C18orf54: variants seen among roughly 807,000 people sequenced by gnomAD.
C18orf54 encodes the protein lung adenoma susceptibility protein 2.
In C18orf54, 49 loss-of-function variants were observed where a neutral mutation model predicts 49.3. That is an observed-to-expected ratio of 0.99 (90% CI 0.79 to 1.26). The LOEUF is 1.26. C18orf54 is among the 50% of genes most tolerant of loss of function. The pLI is 0.00. For synonymous variants in C18orf54, 211 were observed against 216.6 expected, an observed-to-expected ratio of 0.97 and a Z score of 0.23; for missense variants, 687 against 620.6, an observed-to-expected ratio of 1.11 and a Z score of -1.14.
chr18:54,366,691 A>G (rs763036841), intron 6 of C18orf54, among the ~76,000 whole-genome samples: 1 of 151,892 alleles, frequency 6.6e-6, no homozygotes, highest in African/African-American at 2.4e-5. Flanking sequence ...TGGTAGTTCT[A>G]TTATATATTT....
intron 6 of C18orf54, among the ~76,000 whole-genome samples, chr18:54,367,284 A>G (rs1188037512): frequency 1.3e-5 from 2 of 151,452 alleles, no homozygotes; most frequent in Non-Finnish European, 2.9e-5. Flanking sequence ...TTCTGTAGTA[A>G]TGTTTTATTC....
Position 54,380,808 on chromosome 18 carries a change from C to T in C18orf54, c.*2562C>T, listed in dbSNP as rs139236245. The T allele has an allele frequency of 3.3e-4, 50 of 152,186 alleles. 1 individual carries two copies. Among genetic ancestry groups the T allele is most frequent in the East Asian group, 1.9e-3 (10 of 5,192 alleles). 9.4% of individuals were successfully genotyped at this position (152,186 alleles called of 1,614,324 possible). A position where few individuals can be genotyped will look rare whatever the true frequency, so the allele number is the denominator to read the frequency against. ...CCCCTGTTTATTCCTGTGTTACAGA[C>T]GCATGGAATTGCTCCTGTAGATTTG... On this transcript the variant is annotated 3_prime_UTR_variant, in exon 9 of 9. Transcript: ENST00000620105.
intron 7 of C18orf54, among the ~76,000 whole-genome samples, chr18:54,373,183 A>G (rs1222428290): frequency 6.6e-6 from 1 of 151,886 alleles, no homozygotes; most frequent in East Asian, 1.9e-4. Context: ...TTAAGAACAT[A>G]GAGTTTATAT....
rs1599360194 is a variant in C18orf54 at position 54,381,092 on chromosome 18, A to G, written c.*2846A>G. The G allele has an allele frequency of 1.3e-5, 2 of 152,170 alleles. No homozygotes were observed. The highest frequency in any genetic ancestry group is 2.4e-5 in the African/African-American group (1 of 41,444). The allele number at this position is 152,170 out of a possible 1,614,324, so 9.4% of individuals were successfully genotyped here. On this transcript the variant is annotated 3_prime_UTR_variant, in exon 9 of 9. Transcript: ENST00000620105. ...AATGTTGCGTTGGATTGCAGTGCCT[A>G]TCATACAGTGATTGGAGTAAATTGA...
chr18:54,372,367 T>C, intron 6 of C18orf54, 99 bp from the exon 7 acceptor site: 5 of 1,161,790 alleles, frequency 4.3e-6, no homozygotes, highest in Non-Finnish European at 5.7e-6. Context: ...GTTTGGAGTT[T>C]TACATTAATT....
chr18:54,361,871 A>G lies in C18orf54; in HGVS notation c.512A>G (p.Gln171Arg). ...SLDIEKNPHF[Q>R]GPYTSMGKDN... ...GACATTGAGAAGAATCCACATTTTC[A>G]AGGACCCTACACTTCCATGGGCAAG... Residue 171 changes from glutamine to arginine, a missense_variant, in exon 4 of 9, where the codon CAA becomes CGA. Gln to Arg is a conservative substitution (Grantham distance 43). Coordinates refer to ENST00000620105, the MANE Select transcript of C18orf54 (RefSeq NM_001288980.2). 6.2e-7 allele frequency: 1 copy of G among 1,614,086 alleles called. No homozygotes were observed. The highest frequency in any genetic ancestry group is 8.5e-7 in the Non-Finnish European group (1 of 1,179,964).
At position 54,361,673 on chromosome 18, in the gene C18orf54, C is replaced by A; in HGVS notation, c.314C>A (p.Ser105Ter). 2 of 1,595,020 alleles carry A rather than the reference C, an allele frequency of 1.3e-6. No individual in the cohort carries two copies. Among genetic ancestry groups the A allele is most frequent in the South Asian group, 2.3e-5 (2 of 86,576 alleles). Residue 105 changes from serine (S) to a stop codon, truncating the protein, a stop_gained, in exon 4 of 9, where the codon TCA becomes TAA. Coordinates refer to ENST00000620105, the MANE Select transcript of C18orf54 (RefSeq NM_001288980.2). LOFTEE classifies it high-confidence loss of function. ...AFENLDHKKH[S>*]NFISCRRHTV... ...GAAAACCTTGATCACAAAAAGCACT[C>A]AAACTTCATATCCTGTAGAAGACAC...
chr18:54,368,923 A>G (rs570188449), intron 6 of C18orf54, among the ~76,000 whole-genome samples: 1 of 152,322 alleles, frequency 6.6e-6, no homozygotes, highest in Non-Finnish European at 1.5e-5. Context: ...TGCTGTTCAA[A>G]TTGTTTCAGG....
Position 54,372,501 on chromosome 18 carries a change from T to G in C18orf54, c.1362T>G (p.Pro454=), listed in dbSNP as rs183658106. 6.2e-7 allele frequency: 1 copy of G among 1,610,736 alleles called. No homozygotes were observed. Among genetic ancestry groups the G allele is most frequent in the African/African-American group, 1.3e-5 (1 of 74,956 alleles). ...CTLSGGKHHG[P]VEALKQMLFN... ...TCTCTGGAGGCAAACATCATGGTCC[T>G]GTTGAAGCCCTGAAACAAATGTTAT... The change falls in exon 7 of 9, where the codon CCT becomes CCG. Residue 454 remains proline (P), a synonymous_variant. Transcript: ENST00000620105.
chr18:54,367,447 TAAGA>T (rs2089406602), intron 6 of C18orf54, among the ~76,000 whole-genome samples: 2 of 152,146 alleles, frequency 1.3e-5, no homozygotes, highest in East Asian at 3.8e-4. Flanking sequence ...CTTGGTTATG[TAAGA>T]AAGAGTTTAT....
At chr18:54,360,911 A>T in intron 3 of C18orf54, 56 bp downstream of exon 3, 4 of 1,496,090 alleles carry the variant, frequency 2.7e-6, no homozygotes, top group Non-Finnish European at 3.7e-6. Context: ...CATTTGGGAG[A>T]TGTACTGTAG....
At chr18:54,361,592 A>G (rs1254977210) in intron 3 of C18orf54, 51 bp from the exon 4 acceptor site, 1 of 1,410,366 alleles carries the variant, frequency 7.1e-7, no homozygotes, top group East Asian at 2.4e-5. Flanking sequence ...TTACTGTTGG[A>G]TATTATAAAA....
chr18:54,368,527 CATT>C (rs1394528112), intron 6 of C18orf54, among the ~76,000 whole-genome samples: 1 of 151,774 alleles, frequency 6.6e-6, no homozygotes, highest in African/African-American at 2.4e-5. Context: ...TCAGAGGGCT[CATT>C]ATATATTGAT....
In C18orf54 at chr18:54,379,656, C is replaced by A. The variant is rs2089633698; in HGVS notation, c.*1410C>A. The A allele has an allele frequency of 6.6e-6, 1 of 151,736 alleles. No individual in the cohort carries two copies. The highest frequency in any genetic ancestry group is 1.5e-5 in the Non-Finnish European group (1 of 67,868). 9.4% of individuals were successfully genotyped at this position (151,736 alleles called of 1,614,324 possible). A position where few individuals can be genotyped will look rare whatever the true frequency, so the allele number is the denominator to read the frequency against. On this transcript the variant is annotated 3_prime_UTR_variant, in exon 9 of 9. Coordinates refer to ENST00000620105, the MANE Select transcript of C18orf54 (RefSeq NM_001288980.2). Reference sequence around the variant, plus strand: ...AGTCTGCTTCATAGAAAATAGCCTGCATAATCAAACAAGGAGTTACTTTGA... The same window carrying A: ...AGTCTGCTTCATAGAAAATAGCCTGAATAATCAAACAAGGAGTTACTTTGA...
intron 6 of C18orf54, among the ~76,000 whole-genome samples, chr18:54,367,585 C>G (rs1173269810): frequency 1.3e-5 from 2 of 152,144 alleles, no homozygotes; most frequent in Non-Finnish European, 2.9e-5. Context: ...GAGATATCTA[C>G]TGTCAGTCTA....
In C18orf54 at chr18:54,380,784, C is replaced by T. The variant is rs1289168452; in HGVS notation, c.*2538C>T. 6.6e-6 allele frequency: 1 copy of T among 151,912 alleles called. No individual in the cohort carries two copies. The highest frequency in any genetic ancestry group is 1.5e-5 in the Non-Finnish European group (1 of 67,926). 9.4% of individuals were successfully genotyped at this position (151,912 alleles called of 1,614,324 possible). A position where few individuals can be genotyped will look rare whatever the true frequency, so the allele number is the denominator to read the frequency against. Reference sequence around the variant, plus strand: ...CCTGAAGATAAATCATGACAAGGTCCCCTGTTTATTCCTGTGTTACAGACG... The same window carrying T: ...CCTGAAGATAAATCATGACAAGGTCTCCTGTTTATTCCTGTGTTACAGACG... On this transcript the variant is annotated 3_prime_UTR_variant, in exon 9 of 9. Coordinates refer to ENST00000620105, the MANE Select transcript of C18orf54 (RefSeq NM_001288980.2).
At position 54,362,154 on chromosome 18, in the gene C18orf54, G is replaced by A. The variant is rs529138540; in HGVS notation, c.795G>A (p.Leu265=). The A allele has an allele frequency of 6.5e-7, 1 of 1,536,238 alleles. No individual in the cohort carries two copies. The highest frequency in any genetic ancestry group is 8.7e-7 in the Non-Finnish European group (1 of 1,146,892). ...SIPDFKYPVW[L]HNQDLLPDAN... ...CTGATTTCAAATACCCAGTCTGGCT[G>A]CACAATCAAGACTTGCTACCTGATG... The change falls in exon 4 of 9, where the codon CTG becomes CTA. Residue 265 remains leucine (L), a synonymous_variant. Transcript: ENST00000620105.
At chr18:54,361,557 T>C in intron 3 of C18orf54, 86 bp from the exon 4 acceptor site, 1 of 1,210,962 alleles carries the variant, frequency 8.3e-7, no homozygotes, top group Non-Finnish European at 1.1e-6. Context: ...AGCAGCAAAA[T>C]GCCTCTTAAA....
intron 8 of C18orf54, 63 bp downstream of exon 8, chr18:54,374,347 G>C (rs947236836): frequency 1.0e-4 from 151 of 1,486,166 alleles, no homozygotes; most frequent in Non-Finnish European, 2.5e-5. Flanking sequence ...CATATGTAAA[G>C]TTACAGGGTA....
Sources: gnomAD v4.1 joint callset for allele counts (sites outside exome capture counted in the v4.1 genomes callset) on GRCh38, gnomAD v4.1.1 for gene constraint, MANE v1.5 for transcripts, NCBI Gene and HGNC (gene_info 2026-07-23, HGNC 2026-07-21) for gene names.